The following KRT38 variants were observed in gnomAD, a reference collection of about 807,000 sequenced individuals.
KRT38 encodes keratin 38.
In KRT38, 45 loss-of-function variants were observed where a neutral mutation model predicts 43.1. The observed-to-expected ratio is 1.04, with a 90% CI of 0.82 to 1.34. The LOEUF (loss-of-function observed/expected upper bound fraction) is 1.34, where lower values mean the gene tolerates loss of function less well. Ranked by LOEUF, KRT38 falls within the 40% of genes most tolerant of loss-of-function variation. The pLI, the probability that KRT38 is intolerant of heterozygous loss-of-function variation, is 0.00. For missense variants in KRT38, 627 were observed against 586.2 expected (o/e 1.07, Z -0.72); for synonymous variants, 258 against 244.0 (o/e 1.06, Z -0.53).
chr17:41,439,314 C>A lies in KRT38; in HGVS notation c.621G>T (p.Lys207Asn), dbSNP rs2144420342. The part of the protein sequence containing the change: ...RSLRQLVEAD[K>N]CGTQKLLDDA... ...CATCCAGGAGCTTCTGTGTCCCACA[C>A]TTGTCTGCCTCCACCAGCTGGCGCA... Residue 207 changes from lysine (K) to asparagine (N), a missense_variant, in exon 3 of 7, where the codon AAG (lysine) becomes AAT (asparagine). Transcript: ENST00000246646. 1 of 1,614,216 alleles carries A rather than the reference C, an allele frequency of 6.2e-7. No individual in the cohort carries two copies. The highest frequency in any genetic ancestry group is 8.5e-7 in the Non-Finnish European group (1 of 1,180,040).
Position 41,440,890 on chromosome 17 carries a change from G to C in KRT38, c.32C>G (p.Pro11Arg). The C allele has an allele frequency of 6.4e-7, 1 of 1,551,136 alleles. No individual in the cohort carries two copies. Among genetic ancestry groups the C allele is most frequent in the Non-Finnish European group, 8.7e-7 (1 of 1,150,614 alleles). MTSSYSSSSC[P>R]LGCTMAPGAR... Reference sequence around the variant, plus strand: ...TCCAGGAGCCATGGTGCAACCCAGAGGGCATGAGGAGCTGCTGTAGGAAGA... The same window carrying C: ...TCCAGGAGCCATGGTGCAACCCAGACGGCATGAGGAGCTGCTGTAGGAAGA... The change falls in exon 1 of 7, where the codon CCT (proline) becomes CGT (arginine). Residue 11 changes from proline (P) to arginine (R), a missense_variant. By Grantham distance (103) the Pro-to-Arg change is moderately radical. Coordinates refer to ENST00000246646, the MANE Select transcript of KRT38 (RefSeq NM_006771.4).
Position 41,437,346 on chromosome 17 carries a change from A to C in KRT38, c.*66T>G, listed in dbSNP as rs1169496313. 1.4e-6 allele frequency: 2 copies of C among 1,437,072 alleles called. No individual in the cohort carries two copies. The highest frequency in any genetic ancestry group is 1.8e-6 in the Non-Finnish European group (2 of 1,094,354). 89.0% of individuals were successfully genotyped at this position (1,437,072 alleles called of 1,614,324 possible). ...GAAAGTTAGAAGCCAGATTTTCTAA[A>C]GGTATAACAAGCATCTCTCTTTGGG... On this transcript the variant is annotated 3_prime_UTR_variant, in exon 7 of 7. Coordinates refer to ENST00000246646, the MANE Select transcript of KRT38 (RefSeq NM_006771.4).
In KRT38 at chr17:41,438,009, A is replaced by C. The variant is rs1390901650; in HGVS notation, c.1241+84T>G. 4 of 1,357,104 alleles carry C rather than the reference A, an allele frequency of 2.9e-6. No homozygotes were observed. The South Asian group carries it at 3.9e-5, about 13-fold the overall frequency. The allele number at this position is 1,357,104 out of a possible 1,614,324, so 84.1% of individuals were successfully genotyped here. A position where few individuals can be genotyped will look rare whatever the true frequency, so the allele number is the denominator to read the frequency against. Reference sequence around the variant, plus strand: ...GAGTGCACAGAGAGCCTCATTCTACATAGAGACAGCCCTTCTGCTGCCCTG... The same window carrying C: ...GAGTGCACAGAGAGCCTCATTCTACCTAGAGACAGCCCTTCTGCTGCCCTG... On this transcript the variant is annotated intron_variant, in intron 6 of 6. Coordinates refer to ENST00000246646, the MANE Select transcript of KRT38 (RefSeq NM_006771.4).
chr17:41,437,265 A>G lies in KRT38; in HGVS notation c.*147T>C. ...CAAGAGCAGGAAAGGAAGGATTTCC[A>G]TCAAGATTCCACTGTCCCTGGTATC... On this transcript the variant is annotated 3_prime_UTR_variant, in exon 7 of 7. Coordinates refer to ENST00000246646, the MANE Select transcript of KRT38 (RefSeq NM_006771.4). 3.7e-6 allele frequency: 3 copies of G among 819,734 alleles called. No individual in the cohort carries two copies. In the South Asian group the frequency reaches 1.5e-4, roughly 40 times the overall value. 50.8% of individuals were successfully genotyped at this position (819,734 alleles called of 1,614,324 possible). A position where few individuals can be genotyped will look rare whatever the true frequency, so the allele number is the denominator to read the frequency against.
rs1597731510 is a variant in KRT38, at chr17:41,437,186, A to C, written c.*226T>G. 2 of 408,476 alleles carry C rather than the reference A, an allele frequency of 4.9e-6. No homozygotes were observed. Among genetic ancestry groups the C allele is most frequent in the Non-Finnish European group, 8.5e-6 (2 of 236,016 alleles). The allele number at this position is 408,476 out of a possible 1,614,324, so 25.3% of individuals were successfully genotyped here. A position where few individuals can be genotyped will look rare whatever the true frequency, so the allele number is the denominator to read the frequency against. On this transcript the variant is annotated 3_prime_UTR_variant, in exon 7 of 7. Coordinates refer to ENST00000246646, the MANE Select transcript of KRT38 (RefSeq NM_006771.4). ...CTCTCCAATCCAGATATTCTGAGCC[A>C]CCATGGGTGGCTGCAATCCAGCCAC...
At position 41,440,426 on chromosome 17, in the gene KRT38, T is replaced by C; in HGVS notation, c.492+4A>G. ...CAGCACACCCAAGCGATCCCACACCTCACCTTCTGTTGGAGCTCCTCGATG... is the reference window on the plus strand; with the variant it reads ...CAGCACACCCAAGCGATCCCACACCCCACCTTCTGTTGGAGCTCCTCGATG... On this transcript the variant is annotated splice_donor_region_variant and intron_variant, in intron 1 of 6. Coordinates refer to ENST00000246646, the MANE Select transcript of KRT38 (RefSeq NM_006771.4). 1.2e-6 allele frequency: 2 copies of C among 1,612,492 alleles called. No individual in the cohort carries two copies. The highest frequency in any genetic ancestry group is 1.7e-6 in the Non-Finnish European group (2 of 1,178,680).
In KRT38 at chr17:41,436,236, T is replaced by C. The variant is rs1219926419; in HGVS notation, c.*1176A>G. The stretch of plus-strand genomic sequence containing the variant: ...GCTCTGGGGATGCAGCAATGAACAA[T>C]TGTTAATCTTGGGTAAGCATTTTGA... On this transcript the variant is annotated 3_prime_UTR_variant, in exon 7 of 7. Transcript: ENST00000246646. 2.0e-5 allele frequency among the ~76,000 whole-genome samples: 3 copies of C among 152,132 alleles called. No homozygotes were observed. The highest frequency in any genetic ancestry group is 4.4e-5 in the Non-Finnish European group (3 of 68,020).
intron 3 of KRT38, 77 bp from the exon 4 acceptor site, chr17:41,438,935 C>T (rs878905776): frequency 2.6e-6 from 4 of 1,537,260 alleles, no homozygotes; most frequent in East Asian, 2.3e-5. Context: ...CAGGACCCCG[C>T]CCCTGGCAAG....
rs756388340 is a variant in KRT38 at position 41,438,237 on chromosome 17, A to C, written c.1097T>G (p.Ile366Ser). The C allele has an allele frequency of 6.2e-7, 1 of 1,614,116 alleles. No homozygotes were observed. Among genetic ancestry groups the C allele is most frequent in the Non-Finnish European group, 8.5e-7 (1 of 1,180,008 alleles). ...AGACAGCTGCTCCTCCACGTTGCTG[A>C]TGAGGCTCTGCATCTGGGCCAGCTC... The part of the protein sequence containing the change: ...GTELAQMQSL[I>S]SNVEEQLSEI... The change falls in exon 6 of 7, where the codon ATC becomes AGC. Residue 366 changes from isoleucine to serine, a missense_variant. Ile to Ser is a moderately radical substitution (Grantham distance 142, BLOSUM62 -2). Coordinates refer to ENST00000246646, the MANE Select transcript of KRT38 (RefSeq NM_006771.4).
At position 41,438,741 on chromosome 17, in the gene KRT38, A is replaced by C. The variant is rs774732011; in HGVS notation, c.850T>G (p.Leu284Val). ...TCCACATCCTGGCGGTTGGTCTCCA[A>C]CATGGCCTCATACTGAGCCCGCATC... ...GEMRAQYEAM[L>V]ETNRQDVEQW... The change falls in exon 4 of 7, where the codon TTG (leucine) becomes GTG (valine). Residue 284 changes from leucine to valine, a missense_variant. Physicochemically the swap from Leu to Val is conservative, Grantham distance 32. Transcript: ENST00000246646. 35 of 1,613,914 alleles carry C rather than the reference A, an allele frequency of 2.2e-5. No individual in the cohort carries two copies. Among genetic ancestry groups the C allele is most frequent in the Middle Eastern group, 3.3e-4 (2 of 6,084 alleles).
rs2018730690 is a variant in KRT38 at position 41,436,818 on chromosome 17, A to G, written c.*594T>C. The G allele has an allele frequency of 6.6e-6, 1 of 152,258 alleles. No homozygotes were observed. The highest frequency in any genetic ancestry group is 1.5e-5 in the Non-Finnish European group (1 of 68,052). 9.4% of individuals were successfully genotyped at this position (152,258 alleles called of 1,614,324 possible). ...AAAGGCAAGCCTGGTCCTTTGTCAAAGCTAGAAACCCTGAAGTAGAGAAAA... is the reference window on the plus strand; with the variant it reads ...AAAGGCAAGCCTGGTCCTTTGTCAAGGCTAGAAACCCTGAAGTAGAGAAAA... On this transcript the variant is annotated 3_prime_UTR_variant, in exon 7 of 7. Coordinates refer to ENST00000246646, the MANE Select transcript of KRT38 (RefSeq NM_006771.4).
chr17:41,439,282 G>A lies in KRT38; in HGVS notation c.653C>T (p.Thr218Ile). Residue 218 changes from threonine (T) to isoleucine (I), a missense_variant, in exon 3 of 7, where the codon ACC becomes ATC. Coordinates refer to ENST00000246646, the MANE Select transcript of KRT38 (RefSeq NM_006771.4). The stretch of plus-strand genomic sequence containing the variant: ...GGCCTCCAGGTCGGCCTTGGCCAGG[G>A]TCGCATCATCCAGGAGCTTCTGTGT... Reference protein sequence around the residue: ...CGTQKLLDDATLAKADLEAQQ... With the variant: ...CGTQKLLDDAILAKADLEAQQ... 1 of 1,614,230 alleles carries A rather than the reference G, an allele frequency of 6.2e-7. No homozygotes were observed. Among genetic ancestry groups the A allele is most frequent in the Non-Finnish European group, 8.5e-7 (1 of 1,180,048 alleles).
Position 41,440,698 on chromosome 17 carries a change from GT to G in KRT38, c.223del (p.Thr75LeufsTer26), listed in dbSNP as rs1567696574. On this transcript the variant is annotated frameshift_variant, in exon 1 of 7. Transcript: ENST00000246646. LOFTEE classifies it high-confidence loss of function. ...GCAGGTCCCTGGCAAGGGACAAGCA[GT>G]GTGGCAGGTAGGCGGCAGACAGAGG... ...PSLCLPPTCH[T>X]ACPLPGTCHI... The G allele has an allele frequency of 1.2e-6, 2 of 1,614,254 alleles. No homozygotes were observed. The highest frequency in any genetic ancestry group is 8.5e-7 in the Non-Finnish European group (1 of 1,180,040).
Position 41,438,861 on chromosome 17 carries a change from G to A in KRT38, c.733-3C>T. On this transcript the variant is annotated splice_region_variant and splice_polypyrimidine_tract_variant and intron_variant, in intron 3 of 6. Coordinates refer to ENST00000246646, the MANE Select transcript of KRT38 (RefSeq NM_006771.4). ...TGACTCCTCAGAATCTTTACTTCCTGCAGAAGGGAGGAAGGGACAGACAGC... is the reference window on the plus strand; with the variant it reads ...TGACTCCTCAGAATCTTTACTTCCTACAGAAGGGAGGAAGGGACAGACAGC... 6.2e-7 allele frequency: 1 copy of A among 1,613,938 alleles called. No homozygotes were observed. Among genetic ancestry groups the A allele is most frequent in the South Asian group, 1.1e-5 (1 of 91,060 alleles).
At position 41,437,504 on chromosome 17, in the gene KRT38, C is replaced by T. The variant is rs780324275; in HGVS notation, c.1279G>A (p.Val427Met). The T allele has an allele frequency of 2.0e-5, 31 of 1,561,396 alleles. No homozygotes were observed. Among genetic ancestry groups the T allele is most frequent in the African/African-American group, 4.2e-5 (3 of 70,748 alleles). Residue 427 changes from valine (V) to methionine (M), a missense_variant, in exon 7 of 7, where the codon GTG (valine) becomes ATG (methionine). Transcript: ENST00000246646. ...CNPCSTSPSCVTAPCAPRPSC... is the reference protein window; with the variant it reads ...CNPCSTSPSCMTAPCAPRPSC... Reference sequence around the variant, plus strand: ...GGGCGAGGAGCACAGGGGGCAGTCACGCAGGAGGGAGACGTGGAGCACGGA... The same window carrying T: ...GGGCGAGGAGCACAGGGGGCAGTCATGCAGGAGGGAGACGTGGAGCACGGA...
rs761233510 is a variant in KRT38 at position 41,440,911 on chromosome 17, G to A, written c.11C>T (p.Ser4Phe). Residue 4 changes from serine (S) to phenylalanine (F), a missense_variant, in exon 1 of 7, where the codon TCC (serine) becomes TTC (phenylalanine). Physicochemically the swap from Ser to Phe is radical, Grantham distance 155 (BLOSUM62 -2). Coordinates refer to ENST00000246646, the MANE Select transcript of KRT38 (RefSeq NM_006771.4). Reference sequence around the variant, plus strand: ...CAGAGGGCATGAGGAGCTGCTGTAGGAAGAGGTCATGGTGTTGGGCTGAGG... The same window carrying A: ...CAGAGGGCATGAGGAGCTGCTGTAGAAAGAGGTCATGGTGTTGGGCTGAGG... MTS[S>F]YSSSSCPLGC... 3.9e-6 allele frequency: 6 copies of A among 1,538,750 alleles called. No homozygotes were observed. The Admixed American group carries it at 6.1e-5, about 16-fold the overall frequency.
chr17:41,438,910 T>A (rs762844992), intron 3 of KRT38, 52 bp from the exon 4 acceptor site: 2 of 1,597,172 alleles, frequency 1.3e-6, no homozygotes, highest in Non-Finnish European at 1.7e-6. Flanking sequence ...GGGCCTTTGA[T>A]GGAGCAGACA....
At position 41,438,566 on chromosome 17, in the gene KRT38, G is replaced by T. The variant is rs751006245; in HGVS notation, c.945C>A (p.Cys315Ter). ...TCAGCTCCAGGATCTCCGACTGGCAGCACTGCAGCTCCTCGGAGCAGGACA... is the reference window on the plus strand; with the variant it reads ...TCAGCTCCAGGATCTCCGACTGGCATCACTGCAGCTCCTCGGAGCAGGACA... ...QDMSCSEELQ[C>*]CQSEILELRC... is the part of the protein sequence containing the mutation. The change falls in exon 5 of 7, where the codon TGC becomes TGA. Residue 315 changes from cysteine (C) to a stop codon, truncating the protein, a stop_gained. Transcript: ENST00000246646. LOFTEE classifies it high-confidence loss of function. The T allele has an allele frequency of 4.3e-6, 7 of 1,614,170 alleles. No homozygotes were observed. Among genetic ancestry groups the T allele is most frequent in the Non-Finnish European group, 5.9e-6 (7 of 1,180,020 alleles).
chr17:41,439,288 T>C lies in KRT38; in HGVS notation c.647A>G (p.Asp216Gly), dbSNP rs748006602. ...CAGGTCGGCCTTGGCCAGGGTCGCA[T>C]CATCCAGGAGCTTCTGTGTCCCACA... ...DKCGTQKLLDDATLAKADLEA... is the reference protein window; with the variant it reads ...DKCGTQKLLDGATLAKADLEA... Residue 216 changes from aspartate to glycine, a missense_variant, in exon 3 of 7, where the codon GAT becomes GGT. Transcript: ENST00000246646. 1 of 1,614,196 alleles carries C rather than the reference T, an allele frequency of 6.2e-7. No homozygotes were observed. Among genetic ancestry groups the C allele is most frequent in the Non-Finnish European group, 8.5e-7 (1 of 1,180,040 alleles).
Sources: gnomAD v4.1 joint callset for allele counts (sites outside exome capture counted in the v4.1 genomes callset) on GRCh38, gnomAD v4.1.1 for gene constraint, MANE v1.5 for transcripts, NCBI Gene and HGNC (gene_info 2026-07-23, HGNC 2026-07-21) for gene names.